SMCHD1: variants seen among roughly 807,000 people sequenced by gnomAD.
The protein encoded by SMCHD1 is structural maintenance of chromosomes flexible hinge domain-containing protein 1.
SMCHD1 carries 78 observed loss-of-function variants against 254.7 expected under a neutral mutation model. The ratio of observed to expected loss-of-function variants is 0.31; its 90% CI spans 0.26 to 0.37. The LOEUF is 0.37. Among genes scored for constraint, SMCHD1 ranks in the 10% least tolerant of loss-of-function variants. The pLI is 1.00. For synonymous variants in SMCHD1, 766 were observed against 794.9 expected (o/e 0.96, Z 0.61); for missense variants, 1,840 against 2,408.1 (o/e 0.76, Z 4.94).
Position 2,655,830 on chromosome 18 carries a change from T to C in SMCHD1, c.-246T>C. The C allele has an allele frequency of 8.9e-6, 3 of 336,960 alleles. No homozygotes were observed. Among genetic ancestry groups the C allele is most frequent in the Non-Finnish European group, 5.3e-6 (1 of 186,918 alleles). 20.9% of individuals were successfully genotyped at this position (336,960 alleles called of 1,614,324 possible). A position where few individuals can be genotyped will look rare whatever the true frequency, so the allele number is the denominator to read the frequency against. ...GTGAGGAGCGCGCCGCGCGTCCCCT[T>C]CTCCTCAGGAGTGGCGGGCCGCGGA... On this transcript the variant is annotated 5_prime_UTR_variant, in exon 1 of 48. Transcript: ENST00000320876.
rs751563847 is a variant in SMCHD1, at chr18:2,772,228, A to G, written c.5053-22A>G. 1.4e-5 allele frequency: 21 copies of G among 1,540,764 alleles called. No homozygotes were observed. The East Asian group carries it at 4.3e-4, about 31-fold the overall frequency. The stretch of plus-strand genomic sequence containing the variant: ...TTCAAGAGTAATTGGTCTTGTAGTT[A>G]ATTTTTCTTTATAAATTATAGGTGC... On this transcript the variant is annotated intron_variant, in intron 40 of 47. Coordinates refer to ENST00000320876, the MANE Select transcript of SMCHD1 (RefSeq NM_015295.3).
chr18:2,794,495 G>A (rs1038020940), intron 45 of SMCHD1, among the ~76,000 whole-genome samples: 1 of 152,128 alleles, frequency 6.6e-6, no homozygotes, highest in Admixed American at 6.5e-5. Context: ...GACAGAGTGA[G>A]ACCGTATCTC....
rs1462235467 is a variant in SMCHD1, at chr18:2,698,057, A to T, written c.1342+16A>T. The T allele has an allele frequency of 6.4e-7, 1 of 1,567,414 alleles. No individual in the cohort carries two copies. Among genetic ancestry groups the T allele is most frequent in the South Asian group, 1.1e-5 (1 of 88,826 alleles). On this transcript the variant is annotated intron_variant, in intron 10 of 47. Transcript: ENST00000320876. ...TTTCCATCAAGTATGTTAATCTGTT[A>T]TCTTAGTTATAAAATATGAAGTTGT...
At chr18:2,731,443 A>G (rs879792824) in intron 24 of SMCHD1, among the ~76,000 whole-genome samples, 5 of 152,288 alleles carry the variant, frequency 3.3e-5, no homozygotes, top group Middle Eastern at 3.4e-3. Flanking sequence ...AAATATGCCA[A>G]TATGTTGACC....
intron 5 of SMCHD1, among the ~76,000 whole-genome samples, chr18:2,679,337 G>A (rs1261218057): frequency 2.7e-5 from 4 of 150,006 alleles, no homozygotes; most frequent in African/African-American, 4.8e-5. Flanking sequence ...TTAGCAGGGC[G>A]TGGTGGCGGG....
At chr18:2,666,063 T>C (rs968017437) in intron 1 of SMCHD1, 94 bp from the exon 2 acceptor site, 12 of 618,628 alleles carry the variant, frequency 1.9e-5, no homozygotes, top group African/African-American at 1.9e-4. Context: ...TACAGAATTA[T>C]AATGTACTAT....
chr18:2,688,547 A>G, intron 6 of SMCHD1, 39 bp downstream of exon 6: 1 of 1,596,282 alleles, frequency 6.3e-7, no homozygotes, highest in Middle Eastern at 1.7e-4. Flanking sequence ...AGTTGATCAA[A>G]ATATTTTGAA....
At chr18:2,747,727 C>A in intron 30 of SMCHD1, 80 bp downstream of exon 30, 1 of 1,101,286 alleles carries the variant, frequency 9.1e-7, no homozygotes, top group Non-Finnish European at 1.3e-6. Context: ...TGTCATATTG[C>A]TTCTTTTCTA....
chr18:2,694,702 T>C lies in SMCHD1; in HGVS notation c.1040+9T>C, dbSNP rs1297457670. On this transcript the variant is annotated intron_variant, in intron 8 of 47. Coordinates refer to ENST00000320876, the MANE Select transcript of SMCHD1 (RefSeq NM_015295.3). ...TGGACACGACAGTTAGCGTAAGTAA[T>C]TATATTTGGCTTAGGAAATGTTGCT... 6.2e-7 allele frequency: 1 copy of C among 1,608,178 alleles called. No homozygotes were observed. Among genetic ancestry groups the C allele is most frequent in the Admixed American group, 1.7e-5 (1 of 58,144 alleles).
At chr18:2,743,253 G>GA in intron 28 of SMCHD1, among the ~76,000 whole-genome samples, 1 of 152,248 alleles carries the variant, frequency 6.6e-6, no homozygotes, top group Non-Finnish European at 1.5e-5. Context: ...TGACCTTGTG[G>GA]AAATCATCTT....
chr18:2,707,962 A>G, intron 17 of SMCHD1, 42 bp downstream of exon 17: 1 of 1,168,836 alleles, frequency 8.6e-7, no homozygotes, highest in Non-Finnish European at 1.2e-6. Context: ...ATTGTTTTTA[A>G]AATATAATAT....
chr18:2,761,322 T>C (rs931314135), intron 35 of SMCHD1, among the ~76,000 whole-genome samples: 6 of 152,180 alleles, frequency 3.9e-5, no homozygotes, highest in Non-Finnish European at 8.8e-5. Context: ...CTGTGTTTGC[T>C]ACTTGGGTGA....
At chr18:2,771,930 T>C (rs1344449255) in intron 40 of SMCHD1, among the ~76,000 whole-genome samples, 1 of 152,088 alleles carries the variant, frequency 6.6e-6, no homozygotes, top group East Asian at 1.9e-4. Flanking sequence ...TAAAAAGCAA[T>C]CTAGATTTTT....
At chr18:2,724,095 T>G (rs765763543) in intron 20 of SMCHD1, among the ~76,000 whole-genome samples, 1 of 150,058 alleles carries the variant, frequency 6.7e-6, no homozygotes, top group Non-Finnish European at 1.5e-5. Context: ...AGTAGGTGTA[T>G]ATGTTTAATG....
At chr18:2,777,687 T>C (rs2076090056) in intron 42 of SMCHD1, 119 bp from the exon 43 acceptor site, 5 of 557,472 alleles carry the variant, frequency 9.0e-6, no homozygotes, top group South Asian at 7.9e-5. Flanking sequence ...TTGTGGTGGA[T>C]TGGGAATTGA....
chr18:2,800,950 T>C (rs989522909), intron 47 of SMCHD1: 1 of 152,166 alleles, frequency 6.6e-6, no homozygotes, highest in African/African-American at 2.4e-5. Flanking sequence ...ATAATTACTA[T>C]GTAGCAGAAA....
chr18:2,704,853 G>A (rs569624094), intron 13 of SMCHD1, among the ~76,000 whole-genome samples: 1 of 152,044 alleles, frequency 6.6e-6, no homozygotes, highest in Admixed American at 6.6e-5. Flanking sequence ...AGAGGTAAAA[G>A]GATTGAGCCT....
At chr18:2,701,155 G>GTTTTT (rs200431551) in intron 12 of SMCHD1, 10 of 228,118 alleles carry the variant, frequency 4.4e-5, no homozygotes, top group Middle Eastern at 1.3e-3. Context: ...ATCTTCATTA[G>GTTTTT]TTTTTTTTGT....
At chr18:2,747,078 C>CT (rs2075468568) in intron 29 of SMCHD1, among the ~76,000 whole-genome samples, 1 of 152,210 alleles carries the variant, frequency 6.6e-6, no homozygotes, top group African/African-American at 2.4e-5. Flanking sequence ...ATTGCCAATG[C>CT]TAAATCTGAG....
Sources: allele counts gnomAD v4.1 joint callset (sites outside exome capture counted in the v4.1 genomes callset), GRCh38; gene constraint gnomAD v4.1.1; transcripts MANE v1.5; gene names NCBI Gene and HGNC (gene_info 2026-07-23, HGNC 2026-07-21).